PGR: variants seen among roughly 807,000 people sequenced by gnomAD.
PGR encodes the protein progesterone receptor.
PGR carries 25 observed loss-of-function variants against 76.1 expected under a neutral mutation model. That is an observed-to-expected ratio of 0.33 (90% CI 0.24 to 0.46). The LOEUF (loss-of-function observed/expected upper bound fraction) is 0.46, where lower values mean the gene tolerates loss of function less well. Among genes scored for constraint, PGR ranks in the 20% least tolerant of loss-of-function variants. The pLI is 1.00. For missense variants in PGR, 1,172 were observed against 1,225.3 expected (o/e 0.96, Z 0.65); for synonymous variants, 579 against 535.0 (o/e 1.08, Z -1.14).
At chr11:101,083,281 A>C (rs1861371556) in intron 3 of PGR, among the ~76,000 whole-genome samples, 1 of 152,250 alleles carries the variant, frequency 6.6e-6, no homozygotes, top group Admixed American at 6.5e-5. Context: ...GGATGTATGG[A>C]AATGCCTGGA....
At chr11:101,109,465 C>T (rs12288780) in intron 2 of PGR, among the ~76,000 whole-genome samples, 2,945 of 152,256 alleles carry the variant, frequency 0.019, 77 homozygotes, top group African/African-American at 0.068. Flanking sequence ...TATGGAGAAA[C>T]GCTTAATGGT....
chr11:101,071,161 G>A (rs1177142018), intron 3 of PGR, among the ~76,000 whole-genome samples: 4 of 152,160 alleles, frequency 2.6e-5, no homozygotes, highest in East Asian at 1.9e-4. Flanking sequence ...TGCAGAGTCC[G>A]CTAGTGATAC....
At chr11:101,125,951 G>T (rs1862827834) in intron 2 of PGR, 56 bp downstream of exon 2, 1 of 1,410,312 alleles carries the variant, frequency 7.1e-7, no homozygotes, top group Non-Finnish European at 1.0e-6. Context: ...TACAATATTA[G>T]ATGGTCTCCA....
intron 7 of PGR, among the ~76,000 whole-genome samples, chr11:101,039,829 C>T (rs893884405): frequency 6.6e-6 from 1 of 151,982 alleles, no homozygotes; most frequent in Non-Finnish European, 1.5e-5. Flanking sequence ...AGACTTCTTC[C>T]CATCCCTATT....
intron 2 of PGR, among the ~76,000 whole-genome samples, chr11:101,104,325 T>C (rs988350783): frequency 6.6e-6 from 1 of 152,222 alleles, no homozygotes; most frequent in Non-Finnish European, 1.5e-5. Flanking sequence ...TAGAGTCAAA[T>C]AGACTTTCAT....
chr11:101,123,706 T>G (rs1433267321), intron 2 of PGR, among the ~76,000 whole-genome samples: 1 of 152,338 alleles, frequency 6.6e-6, no homozygotes, highest in South Asian at 2.1e-4. Context: ...TTCTTCATCA[T>G]TCAAGAATAT....
chr11:101,128,835 G>C lies in PGR; in HGVS notation c.236C>G (p.Ser79Trp). The C allele has an allele frequency of 6.2e-7, 1 of 1,614,180 alleles. No individual in the cohort carries two copies. The highest frequency in any genetic ancestry group is 8.5e-7 in the Non-Finnish European group (1 of 1,180,044). The change falls in exon 1 of 8, where the codon TCG (serine) becomes TGG (tryptophan). Residue 79 changes from serine (S) to tryptophan (W), a missense_variant. Transcript: ENST00000325455. The stretch of plus-strand genomic sequence containing the variant: ...ATATGCGCCCTCCACGTCCGACAGC[G>C]ACTGCTGGTCCTGCGTCTTTTCGTC... Reference protein sequence around the residue: ...PSDEKTQDQQSLSDVEGAYSR... With the variant: ...PSDEKTQDQQWLSDVEGAYSR...
intron 2 of PGR, among the ~76,000 whole-genome samples, chr11:101,117,080 G>T (rs1433975251): frequency 6.6e-6 from 1 of 152,038 alleles, no homozygotes; most frequent in East Asian, 1.9e-4. Context: ...TCCACCTACA[G>T]GTATTCTAGA....
In PGR at chr11:101,062,592, G is replaced by T. The variant is rs770230067; in HGVS notation, c.2067C>A (p.Asn689Lys). ...CATCTGGTTCAATGCTCATTAACAG[G>T]TTGATCAGTGGTGGAATCAACTGTA... ...QDIQLIPPLI[N>K]LLMSIEPDVI... The change falls in exon 4 of 8, where the codon AAC becomes AAA. Residue 689 changes from asparagine (N) to lysine (K), a missense_variant. Asn to Lys is a moderately conservative substitution (Grantham distance 94). Coordinates refer to ENST00000325455, the MANE Select transcript of PGR (RefSeq NM_000926.4). The T allele has an allele frequency of 6.2e-7, 1 of 1,614,028 alleles. No homozygotes were observed. The highest frequency in any genetic ancestry group is 1.1e-5 in the South Asian group (1 of 91,076).
In PGR at chr11:101,038,833, G is replaced by T. The variant is rs11571271; in HGVS notation, c.*283C>A. 0.018 allele frequency: 5,481 copies of T among 312,286 alleles called. 65 individuals carry two copies. Among genetic ancestry groups the T allele is most frequent in the Admixed American group, 0.031 (646 of 20,740 alleles). 19.3% of individuals were successfully genotyped at this position (312,286 alleles called of 1,614,324 possible). On this transcript the variant is annotated 3_prime_UTR_variant, in exon 8 of 8. Coordinates refer to ENST00000325455, the MANE Select transcript of PGR (RefSeq NM_000926.4). ...TTAAAAATCCTCACCTACATGGTAT[G>T]AAATAATATGGATAAGATAGTTTAC...
At chr11:101,108,481 A>G (rs1862245960) in intron 2 of PGR, among the ~76,000 whole-genome samples, 1 of 152,166 alleles carries the variant, frequency 6.6e-6, no homozygotes, top group Non-Finnish European at 1.5e-5. Context: ...CTAAATAATA[A>G]TAAATTTTAA....
At position 101,039,140 on chromosome 11, in the gene PGR, T is replaced by A. The variant is rs770343099; in HGVS notation, c.2778A>T (p.Lys926Asn). 1 of 1,611,460 alleles carries A rather than the reference T, an allele frequency of 6.2e-7. No individual in the cohort carries two copies. The highest frequency in any genetic ancestry group is 8.5e-7 in the Non-Finnish European group (1 of 1,178,218). ...TTCACTTTTTATGAAAGAGAAGGGG[T>A]TTCACCATCCCTGCCAATATCTTGG... is the stretch of plus-strand genomic sequence containing the variant. The part of the protein sequence containing the change: ...QLPKILAGMV[K>N]PLLFHKK The change falls in exon 8 of 8, where the codon AAA becomes AAT. Residue 926 changes from lysine (K) to asparagine (N), a missense_variant. Physicochemically the swap from Lys to Asn is moderately conservative, Grantham distance 94 (BLOSUM62 0). This residue lies in a region of PGR where 166 missense variants were observed against 296.0 expected (regional missense o/e 0.56). Coordinates refer to ENST00000325455, the MANE Select transcript of PGR (RefSeq NM_000926.4).
chr11:101,046,572 T>G (rs1859896263), intron 6 of PGR, among the ~76,000 whole-genome samples: 1 of 151,974 alleles, frequency 6.6e-6, no homozygotes, highest in Non-Finnish European at 1.5e-5. Context: ...TACCAAATTA[T>G]CAAAGTTTTA....
intron 3 of PGR, among the ~76,000 whole-genome samples, chr11:101,090,560 C>G (rs922153408): frequency 6.6e-6 from 1 of 152,168 alleles, no homozygotes; most frequent in African/African-American, 2.4e-5. Context: ...CTTAAGACTT[C>G]TGAGTTGAAA....
At position 101,033,239 on chromosome 11, in the gene PGR, G is replaced by A. The variant is rs1226634441; in HGVS notation, c.*5877C>T. On this transcript the variant is annotated 3_prime_UTR_variant, in exon 8 of 8. Coordinates refer to ENST00000325455, the MANE Select transcript of PGR (RefSeq NM_000926.4). ...TATCCCTAATCATAGCAAATTCAGG[G>A]CTTACTAGTTTAGGCAAATTCTGGA... The A allele has an allele frequency of 4.8e-6, 1 of 207,568 alleles. No individual in the cohort carries two copies. The allele number at this position is 207,568 out of a possible 1,614,324, so 12.9% of individuals were successfully genotyped here. A position where few individuals can be genotyped will look rare whatever the true frequency, so the allele number is the denominator to read the frequency against.
chr11:101,050,477 TAGG>T (rs1860048160), intron 5 of PGR, among the ~76,000 whole-genome samples: 1 of 152,230 alleles, frequency 6.6e-6, no homozygotes, highest in South Asian at 2.1e-4. Context: ...TGCAATTAAA[TAGG>T]AGAAGTCAGT....
intron 3 of PGR, among the ~76,000 whole-genome samples, chr11:101,084,086 T>A (rs887995603): frequency 2.0e-5 from 3 of 152,134 alleles, no homozygotes; most frequent in Non-Finnish European, 4.4e-5. Flanking sequence ...TCCCCCATGC[T>A]GTTGTCATGA....
intron 3 of PGR, chr11:101,063,483 T>C (rs184974985): frequency 6.6e-6 from 1 of 152,374 alleles, no homozygotes; most frequent in African/African-American, 2.4e-5. Context: ...GATGGTGAGA[T>C]GAGTAGAATC....
At chr11:101,067,037 C>T (rs1171844807) in intron 3 of PGR, among the ~76,000 whole-genome samples, 2 of 152,158 alleles carry the variant, frequency 1.3e-5, no homozygotes, top group East Asian at 1.9e-4. Flanking sequence ...TCATATCAAG[C>T]TCTACAAGGC....
Sources: gnomAD v4.1 joint callset for allele counts (sites outside exome capture counted in the v4.1 genomes callset) on GRCh38, gnomAD v4.1.1 for gene constraint, gnomAD v4.1.1 regional missense constraint, MANE v1.5 for transcripts, NCBI Gene and HGNC (gene_info 2026-07-23, HGNC 2026-07-21) for gene names.